Variants in PRCP observed in about 807,000 individuals in gnomAD.
The protein encoded by PRCP is prolylcarboxypeptidase, also known as lysosomal Pro-X carboxypeptidase.
PRCP carries 46 observed loss-of-function variants against 54.2 expected under a neutral mutation model. The observed-to-expected ratio is 0.85, with a 90% CI of 0.67 to 1.09. The LOEUF (loss-of-function observed/expected upper bound fraction) is 1.09, where lower values mean the gene tolerates loss of function less well. Among genes scored for constraint, PRCP ranks in the 50% least tolerant of loss-of-function variants. PRCP has a pLI of 0.00. For synonymous variants in PRCP, 240 were observed against 212.2 expected (o/e 1.13, Z -1.14); for missense variants, 613 against 596.8 (o/e 1.03, Z -0.28).
At chr11:82,875,483 C>T (rs1358029784) in intron 1 of PRCP, among the ~76,000 whole-genome samples, 1 of 152,176 alleles carries the variant, frequency 6.6e-6, no homozygotes, top group African/African-American at 2.4e-5. Context: ...TCCAACTCAA[C>T]CTTGAAAGGT....
intron 1 of PRCP, among the ~76,000 whole-genome samples, chr11:82,874,636 A>G (rs1729818058): frequency 6.6e-6 from 1 of 151,384 alleles, no homozygotes; most frequent in Non-Finnish European, 1.5e-5. Context: ...GGCTGCAATG[A>G]ACTGTGATCA....
At chr11:82,828,361 C>T (rs1858294085) in intron 8 of PRCP, 1 of 137,984 alleles carries the variant, frequency 7.2e-6, no homozygotes, top group Non-Finnish European at 1.5e-5. Context: ...CACTTTGGTT[C>T]CAGTCCCAGG....
upstream of PRCP, chr11:82,900,467 C>A (rs1860252996): frequency 2.6e-6 from 4 of 1,540,366 alleles, no homozygotes; most frequent in South Asian, 4.7e-5. Flanking sequence ...AGCGCACAGG[C>A]TAAGCCCTGC....
intron 1 of PRCP, among the ~76,000 whole-genome samples, chr11:82,897,564 T>G (rs1469991640): frequency 6.6e-6 from 1 of 152,208 alleles, no homozygotes; most frequent in African/African-American, 2.4e-5. Context: ...AATAGAATTA[T>G]GAGTTTAAAT....
chr11:82,834,148 C>T (rs1858460280), intron 8 of PRCP, among the ~76,000 whole-genome samples: 1 of 152,202 alleles, frequency 6.6e-6, no homozygotes, highest in Non-Finnish European at 1.5e-5. Context: ...TGGGCCGTCA[C>T]CAGACACCAA....
chr11:82,849,120 C>G lies in PRCP; in HGVS notation c.850G>C (p.Val284Leu), dbSNP rs373494621. The G allele has an allele frequency of 7.4e-6, 12 of 1,614,110 alleles. No individual in the cohort carries two copies. The highest frequency in any genetic ancestry group is 5.5e-5 in the South Asian group (5 of 91,086). ...HLKDWISETW[V>L]NLAMVDYPYA... ...GGATAGTCCACCATTGCCAGATTCACCCAGGTTTCAGAGATCCAGTCTTTC... is the reference window on the plus strand; with the variant it reads ...GGATAGTCCACCATTGCCAGATTCAGCCAGGTTTCAGAGATCCAGTCTTTC... The change falls in exon 6 of 9, where the codon GTG becomes CTG. Residue 284 changes from valine (V) to leucine (L), a missense_variant. Physicochemically the swap from Val to Leu is conservative, Grantham distance 32 (BLOSUM62 1). Coordinates refer to ENST00000313010, the MANE Select transcript of PRCP (RefSeq NM_005040.4).
intron 1 of PRCP, among the ~76,000 whole-genome samples, chr11:82,898,805 T>C (rs1204671026): frequency 6.6e-6 from 1 of 152,158 alleles, no homozygotes; most frequent in Non-Finnish European, 1.5e-5. Flanking sequence ...AAAATTAAAA[T>C]GTTTTCTCTT....
chr11:82,839,907 C>G (rs960199628), intron 6 of PRCP: 3 of 175,284 alleles, frequency 1.7e-5, no homozygotes, highest in African/African-American at 7.2e-5. Flanking sequence ...TAAACCTCTC[C>G]CTTCTTGGTG....
chr11:82,900,331 C>G lies in PRCP; in HGVS notation c.72G>C (p.Pro24=). ...LAPWATIALR[P]ALRALGSLHL... ...GTAGGCTGCCGAGGGCCCTTAAGGC[C>G]GGCCGGAGGGCTATGGTGGCCCAGG... The change falls in exon 1 of 9, where the codon CCG becomes CCC. Residue 24 remains proline, a synonymous_variant. Coordinates refer to ENST00000313010, the MANE Select transcript of PRCP (RefSeq NM_005040.4). The G allele has an allele frequency of 6.2e-7, 1 of 1,614,174 alleles. No individual in the cohort carries two copies. Among genetic ancestry groups the G allele is most frequent in the Non-Finnish European group, 8.5e-7 (1 of 1,180,012 alleles).
At chr11:82,889,360 T>A (rs1244801608) in intron 1 of PRCP, among the ~76,000 whole-genome samples, 1 of 97,122 alleles carries the variant, frequency 1.0e-5, no homozygotes, top group African/African-American at 5.3e-5. Flanking sequence ...CAAGACTCTG[T>A]CTCAAAAAAA....
At chr11:82,876,799 G>T (rs1408174432) in intron 1 of PRCP, among the ~76,000 whole-genome samples, 17 of 152,092 alleles carry the variant, frequency 1.1e-4, no homozygotes, top group Admixed American at 1.1e-3. Flanking sequence ...GCATGAAAAC[G>T]AACTAATACA....
chr11:82,863,461 A>T (rs1187965484), intron 1 of PRCP, among the ~76,000 whole-genome samples: 1 of 152,178 alleles, frequency 6.6e-6, no homozygotes, highest in Non-Finnish European at 1.5e-5. Context: ...GGAAAGACTG[A>T]CTGTGTTGGA....
chr11:82,825,265 A>G, intron 8 of PRCP, 143 bp from the exon 9 acceptor site: 1 of 715,666 alleles, frequency 1.4e-6, no homozygotes, highest in Non-Finnish European at 2.3e-6. Context: ...GATCTAATTT[A>G]TCATATGGAT....
chr11:82,856,695 GA>G (rs11301054), intron 2 of PRCP, among the ~76,000 whole-genome samples: 17,554 of 147,314 alleles, frequency 0.12, 1,966 homozygotes, highest in African/African-American at 0.3. Flanking sequence ...TAAAAGTCAA[GA>G]AAAAAAAACA....
Position 82,900,393 on chromosome 11 carries a change from G to T in PRCP, c.10C>A (p.Arg4=). 6.2e-7 allele frequency: 1 copy of T among 1,613,520 alleles called. No homozygotes were observed. Among genetic ancestry groups the T allele is most frequent in the African/African-American group, 1.3e-5 (1 of 75,056 alleles). Residue 4 remains arginine (R), a synonymous_variant, in exon 1 of 9, where the codon CGA becomes AGA. Coordinates refer to ENST00000313010, the MANE Select transcript of PRCP (RefSeq NM_005040.4). MGR[R]ALLLLLLSFL... ...GACAGAAGCAGGAGCAGGAGGGCTC[G>T]GCGGCCCATGGCTCAGGCTGGAGAC... is the stretch of plus-strand genomic sequence containing the variant.
At position 82,887,558 on chromosome 11, in the gene PRCP, A is replaced by G. The variant is rs1158924214; in HGVS notation, c.168+12677T>C. Among the ~76,000 whole-genome samples the G allele has an allele frequency of 3.9e-5, 6 of 152,310 alleles. No individual in the cohort carries two copies. In the East Asian group the frequency reaches 1.2e-3, roughly 29 times the overall value. On this transcript the variant is annotated intron_variant, in intron 1 of 8. Coordinates refer to ENST00000313010, the MANE Select transcript of PRCP (RefSeq NM_005040.4). ...ATAGAGTGATACTTACTGTTATCAA[A>G]GTATTGTTCCTTGGGAGTACTTTGA...
intron 1 of PRCP, among the ~76,000 whole-genome samples, chr11:82,864,381 T>C (rs1174046283): frequency 6.6e-6 from 1 of 152,248 alleles, no homozygotes; most frequent in African/African-American, 2.4e-5. Context: ...AGGGGCAGCA[T>C]GCCCTCTGCT....
intron 1 of PRCP, among the ~76,000 whole-genome samples, chr11:82,896,260 C>T (rs1488630050): frequency 1.3e-5 from 2 of 152,090 alleles, no homozygotes; most frequent in Admixed American, 6.6e-5. Flanking sequence ...CCATGGTGCC[C>T]GGCTATTTAG....
At chr11:82,886,451 ATTTTTGTATT>A (rs1859866234) in intron 1 of PRCP, among the ~76,000 whole-genome samples, 1 of 152,008 alleles carries the variant, frequency 6.6e-6, no homozygotes, top group Non-Finnish European at 1.5e-5. Flanking sequence ...TGCCTGGCTA[ATTTTTGTATT>A]TTTTTAAAGA....
Sources: gnomAD v4.1 joint callset for allele counts (sites outside exome capture counted in the v4.1 genomes callset) on GRCh38, gnomAD v4.1.1 for gene constraint, MANE v1.5 for transcripts, NCBI Gene and HGNC (gene_info 2026-07-23, HGNC 2026-07-21) for gene names.